Variants in RBMS3 observed in about 807,000 individuals in gnomAD.
RBMS3 encodes the protein RNA binding motif single stranded interacting protein 3.
Under a neutral mutation model 66.8 loss-of-function variants are expected in RBMS3, and 27 were observed. The ratio of observed to expected loss-of-function variants is 0.40; its 90% CI spans 0.30 to 0.56. The LOEUF (loss-of-function observed/expected upper bound fraction) is 0.56. RBMS3 is among the 20% of genes least tolerant of loss of function. The probability of loss-of-function intolerance (pLI) is 0.40; values close to 1 mark genes in which losing one functional copy is unlikely to be tolerated. For missense variants in RBMS3, 513 were observed against 549.5 expected (o/e 0.93, Z 0.66); for synonymous variants, 188 against 183.0 (o/e 1.03, Z -0.22).
At chr3:29,676,793 G>C (rs1208371175) in intron 4 of RBMS3, among the ~76,000 whole-genome samples, 3 of 152,116 alleles carry the variant, frequency 2.0e-5, no homozygotes, top group African/African-American at 7.2e-5. Context: ...TTTACTGGGT[G>C]TAAAACACAT....
chr3:29,975,490 G>T (rs1697524662), intron 12 of RBMS3, among the ~76,000 whole-genome samples: 1 of 151,662 alleles, frequency 6.6e-6, no homozygotes, highest in South Asian at 2.1e-4. Flanking sequence ...TTTTTAACTT[G>T]CATTTTTCTA....
intron 14 of RBMS3, 37 bp downstream of exon 14, chr3:29,991,246 T>G: frequency 6.2e-7 from 1 of 1,613,560 alleles, no homozygotes; most frequent in Non-Finnish European, 8.5e-7. Flanking sequence ...TTCCTCAAGA[T>G]CAGCCATCTT....
At chr3:29,735,269 A>G (rs989952091) in intron 4 of RBMS3, among the ~76,000 whole-genome samples, 2 of 152,158 alleles carry the variant, frequency 1.3e-5, no homozygotes, top group African/African-American at 2.4e-5. Flanking sequence ...TTGACAGCAT[A>G]CATACACTAA....
chr3:29,692,997 T>C (rs1480415135), intron 4 of RBMS3, among the ~76,000 whole-genome samples: 1 of 152,162 alleles, frequency 6.6e-6, no homozygotes, highest in Non-Finnish European at 1.5e-5. Flanking sequence ...ACATCCTGAT[T>C]TATGTGTCTA....
At chr3:29,953,393 A>G (rs1695810939) in intron 12 of RBMS3, among the ~76,000 whole-genome samples, 1 of 151,922 alleles carries the variant, frequency 6.6e-6, no homozygotes, top group Non-Finnish European at 1.5e-5. Context: ...TTGTCTGAAA[A>G]TTGTTGATAA....
At chr3:29,707,905 A>G (rs973239664) in intron 4 of RBMS3, among the ~76,000 whole-genome samples, 1 of 152,164 alleles carries the variant, frequency 6.6e-6, no homozygotes, top group Admixed American at 6.5e-5. Context: ...TTCAGTGGAC[A>G]CTTTTATTGT....
intron 6 of RBMS3, among the ~76,000 whole-genome samples, chr3:29,849,241 C>T (rs6790934): frequency 0.032 from 4,761 of 149,852 alleles, 162 homozygotes; most frequent in East Asian, 0.092. Context: ...CAATGTTGAG[C>T]GTAGTGGCTC....
At chr3:29,899,852 A>T (rs2149607820) in intron 10 of RBMS3, 97 bp downstream of exon 10, 1 of 1,217,576 alleles carries the variant, frequency 8.2e-7, no homozygotes, top group African/African-American at 1.5e-5. Context: ...TTGTTATAAT[A>T]TGTAACTCGT....
At chr3:29,985,742 G>A (rs1216641894) in intron 12 of RBMS3, among the ~76,000 whole-genome samples, 3 of 152,066 alleles carry the variant, frequency 2.0e-5, no homozygotes, top group South Asian at 2.1e-4. Flanking sequence ...GAAGTCACCC[G>A]CCTTCTGCAT....
At chr3:29,545,568 G>T (rs1049899330) in intron 3 of RBMS3, among the ~76,000 whole-genome samples, 3 of 152,120 alleles carry the variant, frequency 2.0e-5, no homozygotes, top group Non-Finnish European at 4.4e-5. Context: ...GCATTTCAGC[G>T]CTATGTTGAA....
chr3:29,641,586 T>G (rs532310783), intron 4 of RBMS3, among the ~76,000 whole-genome samples: 1 of 152,268 alleles, frequency 6.6e-6, no homozygotes, highest in East Asian at 1.9e-4. Context: ...ATACATTCAC[T>G]TTAAAAAGAA....
At chr3:29,884,879 G>C (rs1288325490) in intron 8 of RBMS3, among the ~76,000 whole-genome samples, 1 of 151,738 alleles carries the variant, frequency 6.6e-6, no homozygotes, top group Admixed American at 6.6e-5. Flanking sequence ...TTCTTTGGTT[G>C]GTTGCTTATT....
At chr3:29,516,812 C>T (rs182589361) in intron 3 of RBMS3, among the ~76,000 whole-genome samples, 10 of 152,238 alleles carry the variant, frequency 6.6e-5, no homozygotes, top group Admixed American at 6.5e-4. Context: ...ATGAAATGCT[C>T]AACAGTATCA....
At chr3:29,531,256 C>T (rs79781549) in intron 3 of RBMS3, among the ~76,000 whole-genome samples, 2,703 of 152,312 alleles carry the variant, frequency 0.018, 32 homozygotes, top group Middle Eastern at 0.037. Context: ...TGTATCAAAC[C>T]AAGTGTACTG....
intron 6 of RBMS3, among the ~76,000 whole-genome samples, chr3:29,796,729 T>TTTTTTTTTTTTTGGGTTG (rs2057207795): frequency 6.7e-6 from 1 of 149,440 alleles, no homozygotes; most frequent in African/African-American, 2.5e-5. Context: ...TTTTTTTTTT[T>TTTTTTTTTTTTTGGGTTG]GGAGATGGAG....
chr3:29,390,050 G>A (rs1009040747), intron 1 of RBMS3, among the ~76,000 whole-genome samples: 1 of 152,124 alleles, frequency 6.6e-6, no homozygotes. Flanking sequence ...GGAGATAAAA[G>A]AGGCTCTAAA....
At chr3:29,821,485 T>A (rs2058074404) in intron 6 of RBMS3, among the ~76,000 whole-genome samples, 1 of 152,104 alleles carries the variant, frequency 6.6e-6, no homozygotes, top group Non-Finnish European at 1.5e-5. Flanking sequence ...TAATACTGAG[T>A]TATACAAGCA....
chr3:29,324,686 A>G (rs769175180), intron 1 of RBMS3, among the ~76,000 whole-genome samples: 1 of 148,118 alleles, frequency 6.8e-6, no homozygotes, highest in Non-Finnish European at 1.5e-5. Context: ...CCTGCACTAA[A>G]GTTTAATCAC....
intron 5 of RBMS3, 131 bp from the exon 6 acceptor site, chr3:29,762,779 A>T (rs2055750395): frequency 1.5e-6 from 1 of 661,182 alleles, no homozygotes; most frequent in African/African-American, 1.9e-5. Context: ...CATCATGTTC[A>T]TGAAAAAAGT....
Sources: gnomAD v4.1 joint callset for allele counts (sites outside exome capture counted in the v4.1 genomes callset) on GRCh38, gnomAD v4.1.1 for gene constraint, MANE v1.5 for transcripts, NCBI Gene and HGNC (gene_info 2026-07-23, HGNC 2026-07-21) for gene names.